Variants in PRDM11 observed in about 807,000 individuals in gnomAD.
PRDM11 encodes the protein PR/SET domain 11, also known as PR domain-containing protein 11.
PRDM11 carries 20 observed loss-of-function variants against 97.8 expected under a neutral mutation model. The ratio of observed to expected loss-of-function variants is 0.20; its 90% CI spans 0.14 to 0.30. PRDM11 has a LOEUF of 0.30. Among genes scored for constraint, PRDM11 ranks in the 10% least tolerant of loss-of-function variants. The pLI is 1.00. For missense variants in PRDM11, 1,139 were observed against 1,555.2 expected (o/e 0.73, Z 4.50); for synonymous variants, 599 against 637.7 (o/e 0.94, Z 0.91).
At chr11:45,221,151 C>T (rs1208775778) in intron 6 of PRDM11, among the ~76,000 whole-genome samples, 3 of 152,194 alleles carry the variant, frequency 2.0e-5, no homozygotes, top group East Asian at 1.9e-4. Flanking sequence ...ACATTGAGTG[C>T]ACAGCTGCTG....
chr11:45,119,619 CAAAAAAAAAA>C lies in PRDM11; in HGVS notation c.96+23739_96+23748del, dbSNP rs56367204. Among the ~76,000 whole-genome samples, 39 of 43,062 alleles carry C rather than the reference CAAAAAAAAAA, an allele frequency of 9.1e-4. 2 individuals carry two copies. In the East Asian group the frequency reaches 0.037, roughly 41 times the overall value. 28.3% of individuals were successfully genotyped at this position (43,062 alleles called of 152,430 possible). A position where few individuals can be genotyped will look rare whatever the true frequency, so the allele number is the denominator to read the frequency against. On this transcript the variant is annotated intron_variant, in intron 1 of 6. Coordinates refer to the PRDM11 transcript ENST00000530656. Reference sequence around the variant, plus strand: ...CCTGGGTGACAGCGAGATTCTGTCTCAAAAAAAAAAAAAAAAAAAAAAAAAAAAAACACCT... The same window carrying C: ...CCTGGGTGACAGCGAGATTCTGTCTCAAAAAAAAAAAAAAAAAAAACACCT...
intron 1 of PRDM11, among the ~76,000 whole-genome samples, chr11:45,157,158 A>G (rs1851818167): frequency 6.6e-6 from 1 of 152,128 alleles, no homozygotes; most frequent in Non-Finnish European, 1.5e-5. Flanking sequence ...ATGGCTGAGT[A>G]GGTGGCTTAG....
chr11:45,098,299 T>C (rs907879824), intron 1 of PRDM11, among the ~76,000 whole-genome samples: 2 of 152,226 alleles, frequency 1.3e-5, no homozygotes, highest in African/African-American at 4.8e-5. Flanking sequence ...CTGGCCAATG[T>C]TGGCCTTGAC....
At chr11:45,175,328 T>C (rs900778171) in intron 1 of PRDM11, among the ~76,000 whole-genome samples, 1 of 152,230 alleles carries the variant, frequency 6.6e-6, no homozygotes, top group Non-Finnish European at 1.5e-5. Context: ...CAACCTCTGA[T>C]CTTTTTACAG....
chr11:45,208,453 C>T lies in PRDM11; in HGVS notation c.554+3675C>T, dbSNP rs116838745. ...AGAGGCAATGGGCTAATCCTAATTT[C>T]AATAAGATCCTTTACTGCTATCTTT... On this transcript the variant is annotated intron_variant, in intron 5 of 7. Transcript: ENST00000683152. 3.1e-3 allele frequency among the ~76,000 whole-genome samples: 465 copies of T among 152,328 alleles called. 1 individual carries two copies. Among genetic ancestry groups the T allele is most frequent in the African/African-American group, 0.011 (448 of 41,568 alleles).
intron 4 of PRDM11, among the ~76,000 whole-genome samples, chr11:45,187,160 G>A (rs1852733740): frequency 6.6e-6 from 1 of 152,214 alleles, no homozygotes; most frequent in African/African-American, 2.4e-5. Context: ...TCCCAACCAA[G>A]TAATACAGAG....
chr11:45,118,276 T>C (rs1204463185), intron 1 of PRDM11, among the ~76,000 whole-genome samples: 1 of 152,208 alleles, frequency 6.6e-6, no homozygotes, highest in Non-Finnish European at 1.5e-5. Context: ...GAATGAACTA[T>C]GGACTTTAGT....
intron 1 of PRDM11, among the ~76,000 whole-genome samples, chr11:45,098,528 G>A (rs1851922050): frequency 6.6e-6 from 1 of 152,206 alleles, no homozygotes; most frequent in Non-Finnish European, 1.5e-5. Context: ...TTACAGGTGG[G>A]AAACCAGGCC....
intron 1 of PRDM11, among the ~76,000 whole-genome samples, chr11:45,172,637 C>T (rs1852228590): frequency 6.6e-6 from 1 of 152,154 alleles, no homozygotes; most frequent in South Asian, 2.1e-4. Flanking sequence ...GCTCAACAGA[C>T]TTTCTCCTTG....
intron 5 of PRDM11, among the ~76,000 whole-genome samples, chr11:45,208,354 A>G (rs1406526049): frequency 6.6e-6 from 1 of 152,198 alleles, no homozygotes; most frequent in Non-Finnish European, 1.5e-5. Context: ...TAGCCAGTGT[A>G]AATAGTTTCC....
intron 4 of PRDM11, among the ~76,000 whole-genome samples, chr11:45,194,619 G>A (rs1320078593): frequency 1.7e-5 from 1 of 57,958 alleles, no homozygotes; most frequent in Non-Finnish European, 3.3e-5. Context: ...TTTTTTTTGA[G>A]ACGGAGTCTC....
Position 45,178,799 on chromosome 11 carries a change from C to G in PRDM11, c.-6-2962C>G, listed in dbSNP as rs140991697. 3.5e-3 allele frequency among the ~76,000 whole-genome samples: 527 copies of G among 152,338 alleles called. 4 individuals carry two copies. Among genetic ancestry groups the G allele is most frequent in the African/African-American group, 0.012 (486 of 41,562 alleles). ...CCTCAGAGTGAAAGCCTCCTAGTAC[C>G]TGGCTTGTCTTTCCCTAGTCTTGGC... is the stretch of plus-strand genomic sequence containing the variant. On this transcript the variant is annotated intron_variant, in intron 1 of 7. Transcript: ENST00000683152.
rs112506925 is a variant in PRDM11 at position 45,127,649 on chromosome 11, C to T, written c.96+31748C>T. On this transcript the variant is annotated intron_variant, in intron 1 of 6. Transcript: ENST00000530656. ...ATCAGCAGCGGTGGCTGCAGAACAG[C>T]GGTGGCTGTAGAACAGCGGGTTTTC... Among the ~76,000 whole-genome samples, 698 of 152,274 alleles carry T rather than the reference C, an allele frequency of 4.6e-3. 8 individuals are homozygous for T. The highest frequency in any genetic ancestry group is 0.015 in the African/African-American group (632 of 41,548).
chr11:45,142,163 C>T (rs1464519575), upstream of PRDM11, among the ~76,000 whole-genome samples: 2 of 152,170 alleles, frequency 1.3e-5, no homozygotes, highest in Admixed American at 6.5e-5. Flanking sequence ...AATCAAGTTC[C>T]GGGTCTCCCC....
intron 7 of PRDM11, chr11:45,225,104 G>A: frequency 7.0e-7 from 1 of 1,430,398 alleles, no homozygotes; most frequent in Non-Finnish European, 9.1e-7. Flanking sequence ...GGTGTGTGCT[G>A]TGTTCTTGAC....
chr11:45,172,635 G>T (rs1290919271), intron 1 of PRDM11, among the ~76,000 whole-genome samples: 1 of 152,106 alleles, frequency 6.6e-6, no homozygotes, highest in Non-Finnish European at 1.5e-5. Flanking sequence ...TGGCTCAACA[G>T]ACTTTCTCCT....
upstream of PRDM11, among the ~76,000 whole-genome samples, chr11:45,145,276 C>G (rs1590376890): frequency 6.6e-6 from 1 of 152,158 alleles, no homozygotes; most frequent in African/African-American, 2.4e-5. Context: ...CATGAGATTC[C>G]AAGAAGCTGT....
chr11:45,188,907 TTTTG>T (rs935006695), intron 4 of PRDM11, among the ~76,000 whole-genome samples: 17 of 152,148 alleles, frequency 1.1e-4, no homozygotes, highest in African/African-American at 4.1e-4. Context: ...TTGTTTGTTT[TTTTG>T]TTTGTTTGAG....
chr11:45,191,472 C>T (rs1275712879), intron 4 of PRDM11, among the ~76,000 whole-genome samples: 1 of 152,144 alleles, frequency 6.6e-6, no homozygotes, highest in African/African-American at 2.4e-5. Flanking sequence ...CCACTCAATC[C>T]TCATTTAAAG....
Sources: allele counts gnomAD v4.1 joint callset (sites outside exome capture counted in the v4.1 genomes callset), GRCh38; gene constraint gnomAD v4.1.1; transcripts MANE v1.5; gene names NCBI Gene and HGNC (gene_info 2026-07-23, HGNC 2026-07-21).